The following SLC26A8 variants were observed in gnomAD, a reference collection of about 807,000 sequenced individuals.
SLC26A8 encodes solute carrier family 26 member 8, also known as testis anion transporter 1.
In SLC26A8, 70 loss-of-function variants were observed where a neutral mutation model predicts 105.0. The observed-to-expected ratio is 0.67, with a 90% CI of 0.55 to 0.81. The LOEUF (loss-of-function observed/expected upper bound fraction) is 0.81. Among genes scored for constraint, SLC26A8 ranks in the 40% least tolerant of loss-of-function variants. The pLI is 0.00. For synonymous variants in SLC26A8, 415 were observed against 438.3 expected (o/e 0.95, Z 0.66); for missense variants, 998 against 1,181.8 (o/e 0.84, Z 2.28).
At chr6:36,003,411 A>T (rs1284389364) in intron 3 of SLC26A8, among the ~76,000 whole-genome samples, 1 of 152,136 alleles carries the variant, frequency 6.6e-6, no homozygotes, top group Non-Finnish European at 1.5e-5. Flanking sequence ...GCAATATTGT[A>T]CTGTGTTAAT....
intron 5 of SLC26A8, 66 bp downstream of exon 5, chr6:35,997,672 G>C: frequency 1.4e-6 from 2 of 1,475,882 alleles, no homozygotes; most frequent in Non-Finnish European, 1.8e-6. Flanking sequence ...AGCAGTATAA[G>C]GAAGGGGTCT....
Position 36,000,087 on chromosome 6 carries a change from G to GC in SLC26A8, c.349dup (p.Ala117GlyfsTer65), listed in dbSNP as rs1761477200. On this transcript the variant is annotated frameshift_variant, in exon 4 of 20. Coordinates refer to ENST00000490799, the MANE Select transcript of SLC26A8 (RefSeq NM_052961.4). LOFTEE classifies it high-confidence loss of function. ...GTTGAGAGGAGGAATCAGTTGCCTT[G>GC]CCAGCAAACTAAGTGTCAGGCCTGA... 2 of 1,613,524 alleles carry GC rather than the reference G, an allele frequency of 1.2e-6. No individual in the cohort carries two copies. Among genetic ancestry groups the GC allele is most frequent in the Non-Finnish European group, 1.7e-6 (2 of 1,179,642 alleles).
At position 35,962,638 on chromosome 6, in the gene SLC26A8, A is replaced by T. The variant is rs1772360387; in HGVS notation, c.1366-17T>A. The stretch of plus-strand genomic sequence containing the variant: ...CAGCACAGCCTGTGGGGAAAAGATA[A>T]ATCATGGTTCATTTTCCCTTTGGGG... On this transcript the variant is annotated splice_polypyrimidine_tract_variant and intron_variant, in intron 11 of 19. Coordinates refer to ENST00000490799, the MANE Select transcript of SLC26A8 (RefSeq NM_052961.4). 3 of 1,612,030 alleles carry T rather than the reference A, an allele frequency of 1.9e-6. No individual in the cohort carries two copies. The highest frequency in any genetic ancestry group is 2.2e-5 in the South Asian group (2 of 90,962).
intron 2 of SLC26A8, among the ~76,000 whole-genome samples, chr6:36,015,401 G>C (rs947554503): frequency 1.3e-5 from 2 of 152,304 alleles, no homozygotes; most frequent in South Asian, 4.1e-4. Context: ...ATGAGCCACT[G>C]TGCCCAGCCA....
chr6:35,948,542 T>C (rs1185175082), intron 19 of SLC26A8, among the ~76,000 whole-genome samples: 4 of 152,130 alleles, frequency 2.6e-5, no homozygotes, highest in African/African-American at 9.7e-5. Context: ...TGAGCCGAGA[T>C]TGTGCCACTG....
At chr6:35,968,589 ATGTGTG>A (rs1281355415) in intron 11 of SLC26A8, among the ~76,000 whole-genome samples, 20 of 61,426 alleles carry the variant, frequency 3.3e-4, no homozygotes, top group African/African-American at 9.2e-4. Context: ...ATATGTGTGT[ATGTGTG>A]TGTGTGTGTG....
intron 3 of SLC26A8, among the ~76,000 whole-genome samples, chr6:36,008,498 G>A (rs978454771): frequency 2.6e-5 from 4 of 152,052 alleles, no homozygotes; most frequent in African/African-American, 7.2e-5. Flanking sequence ...ATACCACTAC[G>A]TACTTCTTAG....
chr6:36,014,219 C>G (rs1761938118), intron 2 of SLC26A8, among the ~76,000 whole-genome samples: 1 of 152,194 alleles, frequency 6.6e-6, no homozygotes, highest in Non-Finnish European at 1.5e-5. Context: ...GCCTTCCTCT[C>G]TGTGTGTCAC....
intron 1 of SLC26A8, among the ~76,000 whole-genome samples, chr6:36,023,320 G>A (rs905942535): frequency 1.3e-5 from 2 of 151,978 alleles, no homozygotes; most frequent in Non-Finnish European, 2.9e-5. Flanking sequence ...AGGCCAAGGC[G>A]GTTGGATCAG....
At chr6:35,951,579 T>C (rs1012059033) in intron 17 of SLC26A8, 80 bp from the exon 18 acceptor site, 1 of 1,519,844 alleles carries the variant, frequency 6.6e-7, no homozygotes, top group African/African-American at 1.4e-5. Flanking sequence ...GTTTTTGTCT[T>C]GTTTTGTTTT....
chr6:35,956,131 A>G (rs1378981434), intron 16 of SLC26A8, among the ~76,000 whole-genome samples: 1 of 152,146 alleles, frequency 6.6e-6, no homozygotes, highest in African/African-American at 2.4e-5. Flanking sequence ...TGGGCGTGTC[A>G]GTGAGCCTGT....
intron 8 of SLC26A8, 27 bp from the exon 9 acceptor site, chr6:35,977,378 T>C (rs774430552): frequency 3.7e-6 from 6 of 1,603,322 alleles, no homozygotes; most frequent in African/African-American, 2.7e-5. Context: ...GAATTATTTC[T>C]GGATAGCAGG....
chr6:36,008,119 C>CAA (rs35551131), intron 3 of SLC26A8, among the ~76,000 whole-genome samples: 5 of 70,414 alleles, frequency 7.1e-5, no homozygotes, highest in Admixed American at 1.7e-4. Context: ...GACTCCGTCT[C>CAA]AAAAAAAAAA....
intron 3 of SLC26A8, 78 bp downstream of exon 3, chr6:36,012,155 A>G (rs1761877125): frequency 6.5e-7 from 1 of 1,531,142 alleles, no homozygotes; most frequent in African/African-American, 1.4e-5. Context: ...CATGTAGCAC[A>G]AGTAATTGTT....
chr6:35,947,804 G>A (rs141584933), intron 19 of SLC26A8, among the ~76,000 whole-genome samples: 48 of 152,202 alleles, frequency 3.2e-4, no homozygotes, highest in Admixed American at 5.2e-4. Context: ...AGTGGTGTGC[G>A]TCTGTACTCC....
chr6:36,007,591 TA>T (rs1232496616), intron 3 of SLC26A8, among the ~76,000 whole-genome samples: 3 of 152,190 alleles, frequency 2.0e-5, no homozygotes, highest in Non-Finnish European at 4.4e-5. Context: ...TAAATTTAGA[TA>T]AGCTGATTAT....
chr6:35,968,638 T>TATAC, intron 11 of SLC26A8, among the ~76,000 whole-genome samples: 1 of 101,512 alleles, frequency 9.9e-6, no homozygotes, highest in East Asian at 2.4e-4. Flanking sequence ...TATATATATA[T>TATAC]ATATATATAT....
In SLC26A8 at chr6:35,981,702, T is replaced by C. The variant is rs1773272505; in HGVS notation, c.1025+419A>G. Among the ~76,000 whole-genome samples, 1 of 151,996 alleles carries C rather than the reference T, an allele frequency of 6.6e-6. No homozygotes were observed. The highest frequency in any genetic ancestry group is 1.5e-5 in the Non-Finnish European group (1 of 67,998). On this transcript the variant is annotated intron_variant, in intron 8 of 19. Coordinates refer to ENST00000490799, the MANE Select transcript of SLC26A8 (RefSeq NM_052961.4). This position sits in a 1 kb window ranked among gnomAD's most constrained non-coding sequence, Gnocchi z 4.0. The stretch of plus-strand genomic sequence containing the variant: ...TAAATAAAACAGGGCATCTATTTAG[T>C]CTAAGTTTGTGAAGGCAAAAGGAAC...
At chr6:35,951,661 C>T (rs539662212) in intron 17 of SLC26A8, among the ~76,000 whole-genome samples, 162 bp from the exon 18 acceptor site, 70 of 152,202 alleles carry the variant, frequency 4.6e-4, no homozygotes, top group Middle Eastern at 3.4e-3. Flanking sequence ...TCACTGCAAC[C>T]TCCGCCTCCC....
Sources: gnomAD v4.1 joint callset for allele counts (sites outside exome capture counted in the v4.1 genomes callset) on GRCh38, gnomAD v4.1.1 for gene constraint, Gnocchi (gnomAD v3.1) non-coding constraint, MANE v1.5 for transcripts, NCBI Gene and HGNC (gene_info 2026-07-23, HGNC 2026-07-21) for gene names.